Variants in HIP1R observed in about 807,000 individuals in gnomAD.
The protein encoded by HIP1R is huntingtin-interacting protein 1-related protein.
In HIP1R, 135 loss-of-function variants were observed where a neutral mutation model predicts 144.2. That is an observed-to-expected ratio of 0.94 (90% CI 0.81 to 1.08). The LOEUF (loss-of-function observed/expected upper bound fraction) is 1.08, where lower values mean the gene tolerates loss of function less well. Ranked by LOEUF, HIP1R falls within the 50% of genes least tolerant of loss-of-function variation. The probability of loss-of-function intolerance (pLI) is 0.00; values close to 1 mark genes in which losing one functional copy is unlikely to be tolerated. For synonymous variants in HIP1R, 698 were observed against 612.8 expected (o/e 1.14, Z -2.05); for missense variants, 1,462 against 1,432.8 (o/e 1.02, Z -0.33).
chr12:122,859,766 G>A lies in HIP1R; in HGVS notation c.2407-6G>A. 1 of 1,612,924 alleles carries A rather than the reference G, an allele frequency of 6.2e-7. No homozygotes were observed. The highest frequency in any genetic ancestry group is 1.3e-5 in the African/African-American group (1 of 75,058). On this transcript the variant is annotated splice_polypyrimidine_tract_variant and splice_region_variant and intron_variant, in intron 23 of 31. Coordinates refer to ENST00000253083, the MANE Select transcript of HIP1R (RefSeq NM_003959.3). ...AGCCAGCTCACGGCTCTGTTCTTGGGTGCAGGACATGATGAACCAGGCACG... is the reference window on the plus strand; with the variant it reads ...AGCCAGCTCACGGCTCTGTTCTTGGATGCAGGACATGATGAACCAGGCACG...
intron 7 of HIP1R, among the ~76,000 whole-genome samples, chr12:122,852,032 G>A (rs1009469980): frequency 6.6e-6 from 1 of 152,214 alleles, no homozygotes; most frequent in East Asian, 1.9e-4. Flanking sequence ...GGCCGCTGTT[G>A]GACAGGAAAT....
chr12:122,860,820 T>C, intron 28 of HIP1R, 36 bp downstream of exon 28: 1 of 1,603,396 alleles, frequency 6.2e-7, no homozygotes, highest in South Asian at 1.1e-5. Context: ...CACTGGGCTC[T>C]GGGCCCAGCT....
intron 17 of HIP1R, 34 bp downstream of exon 17, chr12:122,856,760 C>G: frequency 1.3e-6 from 2 of 1,507,044 alleles, no homozygotes; most frequent in East Asian, 4.9e-5. Context: ...AGGTGGGGTT[C>G]TGGGGCCAGT....
At chr12:122,851,412 C>A in intron 7 of HIP1R, 115 bp downstream of exon 7, 1 of 820,264 alleles carries the variant, frequency 1.2e-6, no homozygotes, top group Non-Finnish European at 1.8e-6. Context: ...TATGAAATGA[C>A]CCTGGCCAGC....
In HIP1R at chr12:122,857,055, T is replaced by C; in HGVS notation, c.1655T>C (p.Leu552Pro). 2 of 1,550,968 alleles carry C rather than the reference T, an allele frequency of 1.3e-6. No individual in the cohort carries two copies. Among genetic ancestry groups the C allele is most frequent in the Admixed American group, 2.0e-5 (1 of 51,254 alleles). Reference sequence around the variant, plus strand: ...GAGCTGAGCTCACGGCTGGACACGCTGAGTGCGGAGAAGGATGCTCTGAGT... The same window carrying C: ...GAGCTGAGCTCACGGCTGGACACGCCGAGTGCGGAGAAGGATGCTCTGAGT... ...KSELSSRLDT[L>P]SAEKDALSGA... The change falls in exon 18 of 32, where the codon CTG (leucine) becomes CCG (proline). Residue 552 changes from leucine to proline, a missense_variant. Coordinates refer to ENST00000253083, the MANE Select transcript of HIP1R (RefSeq NM_003959.3).
rs1219510747 is a variant in HIP1R at position 122,860,684 on chromosome 12, C to T, written c.2666C>T (p.Ala889Val). 6.2e-7 allele frequency: 1 copy of T among 1,613,252 alleles called. No individual in the cohort carries two copies. Among genetic ancestry groups the T allele is most frequent in the Non-Finnish European group, 8.5e-7 (1 of 1,179,848 alleles). The change falls in exon 28 of 32, where the codon GCA (alanine) becomes GTA (valine). Residue 889 changes from alanine to valine, a missense_variant. This residue lies in a region of HIP1R where 1,112 missense variants were observed against 1,011.7 expected (regional missense o/e 1.10). Transcript: ENST00000253083. Reference sequence around the variant, plus strand: ...GACTGGCCCTTGACCCGCAGGGAGGCAGCTGACAAGGTGGTGCTTCACACG... The same window carrying T: ...GACTGGCCCTTGACCCGCAGGGAGGTAGCTGACAAGGTGGTGCTTCACACG... ...VGWGATQLVE[A>V]ADKVVLHTGK...
intron 7 of HIP1R, among the ~76,000 whole-genome samples, chr12:122,852,858 ATG>A (rs1195651840): frequency 6.6e-6 from 1 of 152,212 alleles, no homozygotes; most frequent in Non-Finnish European, 1.5e-5. Context: ...GCAGTACTTT[ATG>A]TGTGCTGTAA....
intron 1 of HIP1R, among the ~76,000 whole-genome samples, chr12:122,844,864 G>GT (rs2135639801): frequency 6.6e-6 from 1 of 152,344 alleles, no homozygotes; most frequent in South Asian, 2.1e-4. Context: ...TGCTGGGGTT[G>GT]TTCTGCCCGA....
In HIP1R at chr12:122,848,497, G is replaced by A. The variant is rs2033275296; in HGVS notation, c.189G>A (p.Gly63=). The change falls in exon 3 of 32, where the codon GGG becomes GGA. Residue 63 remains glycine, a synonymous_variant. Transcript: ENST00000253083. ...TTCTGGGCACACACCACGAGAAGGG[G>A]GCTTTCACCTTCTGGTCCTACGCCA... ...RIILGTHHEK[G]AFTFWSYAIG... The A allele has an allele frequency of 6.2e-7, 1 of 1,613,244 alleles. No individual in the cohort carries two copies. The highest frequency in any genetic ancestry group is 8.5e-7 in the Non-Finnish European group (1 of 1,179,914).
intron 1 of HIP1R, among the ~76,000 whole-genome samples, chr12:122,843,009 G>T (rs1433098818): frequency 6.6e-6 from 1 of 152,240 alleles, no homozygotes; most frequent in Non-Finnish European, 1.5e-5. Context: ...AAGGGATGGG[G>T]GTAGTGGGAA....
In HIP1R at chr12:122,836,721, T is replaced by A. The variant is rs569929258; in HGVS notation, c.93+1078T>A. Among the ~76,000 whole-genome samples, 1 of 152,320 alleles carries A rather than the reference T, an allele frequency of 6.6e-6. No homozygotes were observed. The highest frequency in any genetic ancestry group is 6.5e-5 in the Admixed American group (1 of 15,298). On this transcript the variant is annotated intron_variant, in intron 1 of 31. Transcript: ENST00000253083. The surrounding 1 kb of genome is among the most constrained non-coding windows in gnomAD (Gnocchi z 4.1). The stretch of plus-strand genomic sequence containing the variant: ...TGCGTTTGTGGCGGCTATTTGCAAG[T>A]TCCGTCCCACTTGTCCTTGCAGAGA...
Position 122,856,015 on chromosome 12 carries a change from G to C in HIP1R, c.1164G>C (p.Val388=), listed in dbSNP as rs1190704129. The C allele has an allele frequency of 6.3e-7, 1 of 1,595,842 alleles. No homozygotes were observed. ...QRYIAQLKSQ[V]NALEGELEEQ... ...ACATCGCGCAGCTGAAGAGCCAGGT[G>C]AATGCACTGGAGGGTGAGCTGGAGG... Residue 388 remains valine, a synonymous_variant, in exon 14 of 32, where the codon GTG becomes GTC. Coordinates refer to ENST00000253083, the MANE Select transcript of HIP1R (RefSeq NM_003959.3).
At position 122,856,627 on chromosome 12, in the gene HIP1R, AGAG is replaced by A. The variant is rs758793100; in HGVS notation, c.1525_1527del (p.Glu509del). The stretch of plus-strand genomic sequence containing the variant: ...AGTGACACGCTGTCCTGTCCCAGCT[AGAG>A]GAGAAGAGCGACCAGCTGGAGAAGC... On this transcript the variant is annotated inframe_deletion, in exon 17 of 32. Transcript: ENST00000253083. The A allele has an allele frequency of 7.5e-6, 12 of 1,604,488 alleles. No homozygotes were observed. Among genetic ancestry groups the A allele is most frequent in the Admixed American group, 5.1e-5 (3 of 58,576 alleles).
At position 122,861,038 on chromosome 12, in the gene HIP1R, A is replaced by T; in HGVS notation, c.2889A>T (p.Arg963Ser). 3 of 1,613,624 alleles carry T rather than the reference A, an allele frequency of 1.9e-6. No homozygotes were observed. The highest frequency in any genetic ancestry group is 2.5e-6 in the Non-Finnish European group (3 of 1,179,996). Residue 963 changes from arginine (R) to serine (S), a missense_variant and splice_region_variant, in exon 29 of 32, where the codon AGA becomes AGT. Coordinates refer to ENST00000253083, the MANE Select transcript of HIP1R (RefSeq NM_003959.3). ...TKSGQEQIED[R>S]DTMDFSGLSL... is the part of the protein sequence containing the mutation. The stretch of plus-strand genomic sequence containing the variant: ...CAGGCCAGGAGCAGATTGAGGACAG[A>T]GGTGAGTGCCAGATGCCAACGGGGG...
chr12:122,854,328 CAT>C (rs368162813), intron 8 of HIP1R, 145 bp downstream of exon 8: 111 of 187,906 alleles, frequency 5.9e-4, no homozygotes, highest in Middle Eastern at 3.5e-3. Context: ...ATAGAAATAA[CAT>C]ATATTTTATG....
rs778257843 is a variant in HIP1R, at chr12:122,858,428, C to T, written c.2043C>T (p.Ser681=). Reference sequence around the variant, plus strand: ...AGGGCCACGCCCAGTACCTGACCTCCTTGGCAGGTGAGTGTAGCCAGGGCA... The same window carrying T: ...AGGGCCACGCCCAGTACCTGACCTCTTTGGCAGGTGAGTGTAGCCAGGGCA... The part of the protein sequence containing the change: ...LEEGHAQYLT[S]LADASALVAA... The change falls in exon 20 of 32, where the codon TCC becomes TCT. Residue 681 remains serine (S), a synonymous_variant. Transcript: ENST00000253083. The T allele has an allele frequency of 1.2e-6, 2 of 1,605,256 alleles. No individual in the cohort carries two copies. Among genetic ancestry groups the T allele is most frequent in the Admixed American group, 1.7e-5 (1 of 59,350 alleles).
chr12:122,849,452 C>T (rs915201285), intron 4 of HIP1R, among the ~76,000 whole-genome samples: 1 of 152,258 alleles, frequency 6.6e-6, no homozygotes, highest in African/African-American at 2.4e-5. Flanking sequence ...AACCACTGCC[C>T]GGACTCACTT....
chr12:122,849,123 C>T (rs952939513), intron 4 of HIP1R, among the ~76,000 whole-genome samples: 3 of 152,272 alleles, frequency 2.0e-5, no homozygotes, highest in African/African-American at 4.8e-5. Context: ...GACCACAGCC[C>T]GGGCACCTCG....
At chr12:122,860,885 C>A (rs367981731) in intron 28 of HIP1R, 31 bp from the exon 29 acceptor site, 234 of 1,601,590 alleles carry the variant, frequency 1.5e-4, no homozygotes, top group Non-Finnish European at 1.9e-4. Flanking sequence ...AGCTGGGAGA[C>A]CTGGGCCCAC....
Sources: gnomAD v4.1 joint callset for allele counts (sites outside exome capture counted in the v4.1 genomes callset) on GRCh38, gnomAD v4.1.1 for gene constraint, gnomAD v4.1.1 regional missense constraint, Gnocchi (gnomAD v3.1) non-coding constraint, MANE v1.5 for transcripts, NCBI Gene and HGNC (gene_info 2026-07-23, HGNC 2026-07-21) for gene names.